The following PCDH11Y variants were observed in gnomAD, a reference collection of about 807,000 sequenced individuals.
PCDH11Y encodes protocadherin-11 Y-linked.
For missense variants in PCDH11Y, 12 were observed against 224.8 expected (o/e 0.05, Z 6.05); for synonymous variants, 9 against 83.6 (o/e 0.11, Z 4.87).
At chrY:5,212,216 T>C (rs2052939546) in intron 2 of PCDH11Y, among the ~76,000 whole-genome samples, 2 of 32,566 alleles carry the variant, frequency 6.1e-5, no homozygotes, top group Admixed American at 5.7e-4. Context: ...ATAATAAATA[T>C]TAGGAATTTT....
chrY:5,677,331 T>G (rs2053554466), intron 4 of PCDH11Y, among the ~76,000 whole-genome samples: 1 of 32,808 alleles, frequency 3.0e-5, no homozygotes, highest in South Asian at 6.9e-4. Context: ...CAATTCAAAA[T>G]GAGATTTGAG....
At chrY:5,308,354 AC>A (rs2053092652) in intron 2 of PCDH11Y, among the ~76,000 whole-genome samples, 1 of 33,104 alleles carries the variant, frequency 3.0e-5, no homozygotes, top group Non-Finnish European at 7.4e-5. Context: ...ATATATGATA[AC>A]TATAACTCTA....
At chrY:5,401,965 C>T in intron 2 of PCDH11Y, among the ~76,000 whole-genome samples, 1 of 33,494 alleles carries the variant, frequency 3.0e-5, no homozygotes, top group Non-Finnish European at 7.3e-5. Context: ...TTTCTTTAGG[C>T]TTCGCACACT....
At chrY:5,243,226 G>A (rs2052990697) in intron 2 of PCDH11Y, among the ~76,000 whole-genome samples, 1 of 34,030 alleles carries the variant, frequency 2.9e-5, no homozygotes. Context: ...TAATTATGAT[G>A]TGATACTAAT....
chrY:5,173,356 G>C (rs2052889077), intron 2 of PCDH11Y, among the ~76,000 whole-genome samples: 1 of 32,967 alleles, frequency 3.0e-5, no homozygotes, highest in Non-Finnish European at 7.5e-5. Flanking sequence ...GGGGTAATGG[G>C]GGAGGTTTAG....
At chrY:5,535,370 C>G (rs2124692132) in intron 3 of PCDH11Y, among the ~76,000 whole-genome samples, 1 of 31,439 alleles carries the variant, frequency 3.2e-5, no homozygotes, top group South Asian at 7.1e-4. Flanking sequence ...AATTTGTAGT[C>G]TTTTATCCCT....
At chrY:5,711,878 T>C (rs2053586910) in intron 4 of PCDH11Y, among the ~76,000 whole-genome samples, 1 of 33,479 alleles carries the variant, frequency 3.0e-5, no homozygotes, top group Admixed American at 2.7e-4. Flanking sequence ...GATTTTTCTT[T>C]GGAGAGCTCC....
intron 2 of PCDH11Y, among the ~76,000 whole-genome samples, chrY:5,420,695 A>G (rs2124679403): frequency 3.3e-5 from 1 of 30,212 alleles, no homozygotes; most frequent in African/African-American, 1.3e-4. Context: ...TAGAAAAACA[A>G]TAGAGACTAT....
chrY:5,135,147 A>C, intron 2 of PCDH11Y, among the ~76,000 whole-genome samples: 1 of 33,391 alleles, frequency 3.0e-5, no homozygotes, highest in Non-Finnish European at 7.4e-5. Context: ...TAACCTAGAA[A>C]GGCCATCCCT....
intron 3 of PCDH11Y, among the ~76,000 whole-genome samples, chrY:5,520,167 C>T: frequency 3.7e-5 from 1 of 27,048 alleles, no homozygotes; most frequent in East Asian, 9.2e-4. Context: ...TGCAGTAAGA[C>T]GAGATCGCGC....
intron 2 of PCDH11Y, among the ~76,000 whole-genome samples, chrY:5,220,038 T>C: frequency 3.0e-5 from 1 of 33,249 alleles, no homozygotes; most frequent in African/African-American, 1.2e-4. Flanking sequence ...GGTACCTTTC[T>C]TGAAGATTAC....
downstream of PCDH11Y, among the ~76,000 whole-genome samples, chrY:5,108,484 A>G: frequency 6.2e-5 from 2 of 32,395 alleles, no homozygotes; most frequent in Non-Finnish European, 1.5e-4. Context: ...GTGGTGGCTT[A>G]TGCCTGTAAT....
intron 2 of PCDH11Y, among the ~76,000 whole-genome samples, chrY:5,326,274 C>CTTG (rs2124666523): frequency 3.1e-5 from 1 of 32,515 alleles, no homozygotes; most frequent in South Asian, 7.0e-4. Flanking sequence ...TTTTAGTTTC[C>CTTG]TGACTCGGGC....
intron 1 of PCDH11Y, among the ~76,000 whole-genome samples, chrY:5,003,387 T>C: frequency 6.1e-5 from 2 of 32,845 alleles, no homozygotes; most frequent in Non-Finnish European, 1.5e-4. Flanking sequence ...CCTCGGGTGA[T>C]AAAAAAGATG....
chrY:5,531,890 A>G, intron 3 of PCDH11Y, among the ~76,000 whole-genome samples: 2 of 30,871 alleles, frequency 6.5e-5, no homozygotes, highest in African/African-American at 2.6e-4. Flanking sequence ...AGGACTAAAC[A>G]CACACACCAC....
intron 3 of PCDH11Y, among the ~76,000 whole-genome samples, chrY:5,557,893 G>T: frequency 3.1e-5 from 1 of 32,721 alleles, no homozygotes; most frequent in Non-Finnish European, 7.5e-5. Flanking sequence ...ATGAAGGGAT[G>T]TTGAATTTAA....
intron 2 of PCDH11Y, among the ~76,000 whole-genome samples, chrY:5,270,506 CA>C (rs778159618): frequency 4.1e-4 from 3 of 7,400 alleles, no homozygotes; most frequent in East Asian, 3.0e-3. Context: ...GACTCCATTA[CA>C]AAAAAAAAAA....
chrY:5,000,343 A>T, exon 1 of PCDH11Y: 1 of 28,546 alleles, frequency 3.5e-5, no homozygotes, highest in Non-Finnish European at 8.3e-5. Flanking sequence ...CAGTAGCTGC[A>T]CTCAGCTGCC....
At chrY:5,352,349 C>T in intron 2 of PCDH11Y, among the ~76,000 whole-genome samples, 1 of 31,816 alleles carries the variant, frequency 3.1e-5, no homozygotes, top group Non-Finnish European at 7.6e-5. Flanking sequence ...ATCTCGAGCT[C>T]CTGACCTCAT....
Sources: allele counts gnomAD v4.1 joint callset (sites outside exome capture counted in the v4.1 genomes callset), GRCh38; gene constraint gnomAD v4.1.1; transcripts MANE v1.5; gene names NCBI Gene and HGNC (gene_info 2026-07-23, HGNC 2026-07-21).